Variants in CNTNAP5 observed in about 807,000 individuals in gnomAD.
CNTNAP5 encodes the protein contactin associated protein family member 5.
Under a neutral mutation model 150.2 loss-of-function variants are expected in CNTNAP5, and 72 were observed. The ratio of observed to expected loss-of-function variants is 0.48; its 90% CI spans 0.40 to 0.58. The LOEUF (loss-of-function observed/expected upper bound fraction) is 0.58, where lower values mean the gene tolerates loss of function less well. CNTNAP5 is among the 20% of genes least tolerant of loss of function. CNTNAP5 has a pLI of 0.00. For missense variants in CNTNAP5, 1,636 were observed against 1,626.2 expected (o/e 1.01, Z -0.10); for synonymous variants, 672 against 619.8 (o/e 1.08, Z -1.25).
chr2:124,086,857 T>C (rs1332706862), intron 1 of CNTNAP5, among the ~76,000 whole-genome samples: 1 of 151,692 alleles, frequency 6.6e-6, no homozygotes, highest in African/African-American at 2.4e-5. Context: ...TTGTTTTCTG[T>C]GTGCTGTTTG....
intron 11 of CNTNAP5, among the ~76,000 whole-genome samples, chr2:124,575,710 C>T (rs1041925328): frequency 6.6e-6 from 1 of 152,150 alleles, no homozygotes; most frequent in South Asian, 2.1e-4. Flanking sequence ...AGGTTGAGCT[C>T]CTTGAGGTCA....
intron 13 of CNTNAP5, among the ~76,000 whole-genome samples, chr2:124,716,798 G>A (rs1005577649): frequency 6.6e-6 from 1 of 152,108 alleles, no homozygotes; most frequent in African/African-American, 2.4e-5. Flanking sequence ...TACCTGCTTA[G>A]GATGAGAGAA....
At chr2:124,389,150 T>G (rs1691043184) in intron 3 of CNTNAP5, among the ~76,000 whole-genome samples, 1 of 152,128 alleles carries the variant, frequency 6.6e-6, no homozygotes, top group African/African-American at 2.4e-5. Flanking sequence ...AACAGAAACC[T>G]TTTCTGTCCT....
chr2:124,548,673 A>C (rs551120946), intron 10 of CNTNAP5, among the ~76,000 whole-genome samples: 1 of 152,306 alleles, frequency 6.6e-6, no homozygotes, highest in East Asian at 1.9e-4. Flanking sequence ...CAGGAAAGAA[A>C]AAAACACAGT....
chr2:124,709,108 A>C (rs1204728350), intron 13 of CNTNAP5, among the ~76,000 whole-genome samples: 1 of 152,048 alleles, frequency 6.6e-6, no homozygotes, highest in African/African-American at 2.4e-5. Context: ...CGGGCCCATA[A>C]AAGTAGCAAG....
intron 1 of CNTNAP5, among the ~76,000 whole-genome samples, chr2:124,209,350 G>T (rs530884326): frequency 4.6e-5 from 7 of 152,258 alleles, no homozygotes; most frequent in Non-Finnish European, 8.8e-5. Flanking sequence ...TCTGTCAAAT[G>T]GTCACCATCT....
At chr2:124,072,561 G>A (rs973614299) in intron 1 of CNTNAP5, among the ~76,000 whole-genome samples, 1 of 151,656 alleles carries the variant, frequency 6.6e-6, no homozygotes, top group African/African-American at 2.4e-5. Flanking sequence ...ACAAAAATCA[G>A]TAGCATTTCT....
chr2:124,123,648 C>T (rs909675835), intron 1 of CNTNAP5, among the ~76,000 whole-genome samples: 1 of 152,196 alleles, frequency 6.6e-6, no homozygotes, highest in African/African-American at 2.4e-5. Context: ...CTGGGAGACA[C>T]CTCCCAGTAG....
At chr2:124,861,311 G>T (rs1175232165) in intron 19 of CNTNAP5, among the ~76,000 whole-genome samples, 1 of 152,044 alleles carries the variant, frequency 6.6e-6, no homozygotes, top group African/African-American at 2.4e-5. Context: ...GGTGGCTCAT[G>T]TCTGTAGTCT....
intron 3 of CNTNAP5, among the ~76,000 whole-genome samples, chr2:124,403,649 A>T (rs1187941058): frequency 6.6e-6 from 1 of 152,188 alleles, no homozygotes; most frequent in East Asian, 1.9e-4. Flanking sequence ...GCAGTTTAAA[A>T]CGAGATACAA....
chr2:124,537,867 C>A (rs1334090299), intron 10 of CNTNAP5, among the ~76,000 whole-genome samples: 1 of 152,280 alleles, frequency 6.6e-6, no homozygotes, highest in South Asian at 2.1e-4. Flanking sequence ...TCCACCTGTG[C>A]ATATGGACGG....
intron 1 of CNTNAP5, among the ~76,000 whole-genome samples, chr2:124,026,887 T>G (rs574721081): frequency 6.6e-6 from 1 of 152,222 alleles, no homozygotes; most frequent in African/African-American, 2.4e-5. Context: ...TAGAGGACCC[T>G]GTGCATTTAT....
At chr2:124,274,233 A>G (rs1687829398) in intron 3 of CNTNAP5, among the ~76,000 whole-genome samples, 2 of 152,180 alleles carry the variant, frequency 1.3e-5, no homozygotes, top group Admixed American at 1.3e-4. Context: ...TCAGGTGCTG[A>G]ATAGCCACAT....
chr2:124,061,050 G>A (rs565501399), intron 1 of CNTNAP5, among the ~76,000 whole-genome samples: 8 of 151,802 alleles, frequency 5.3e-5, no homozygotes, highest in African/African-American at 1.7e-4. Context: ...TTCCCCTTCC[G>A]TTTTTTTTCT....
At chr2:124,307,115 G>C (rs1688712706) in intron 3 of CNTNAP5, among the ~76,000 whole-genome samples, 1 of 152,120 alleles carries the variant, frequency 6.6e-6, no homozygotes, top group African/African-American at 2.4e-5. Context: ...TGGATGGCTT[G>C]AATAACAAAC....
chr2:124,854,399 G>A (rs1677301587), intron 19 of CNTNAP5, among the ~76,000 whole-genome samples: 1 of 152,094 alleles, frequency 6.6e-6, no homozygotes. Flanking sequence ...TTATACCTCT[G>A]TAAAATTCCA....
rs1235019529 is a variant in CNTNAP5, at chr2:124,122,783, C to T, written c.82+97051C>T. Among the ~76,000 whole-genome samples, 1,157 of 151,394 alleles carry T rather than the reference C, an allele frequency of 7.6e-3. 10 individuals carry two copies. The highest frequency in any genetic ancestry group is 0.026 in the African/African-American group (1,079 of 41,406). Reference sequence around the variant, plus strand: ...AGACACACACACACACACACACACACACACACACACCCACACCTTTTCCCA... The same window carrying T: ...AGACACACACACACACACACACACATACACACACACCCACACCTTTTCCCA... On this transcript the variant is annotated intron_variant, in intron 1 of 23. Transcript: ENST00000682447.
At chr2:124,791,845 G>A (rs72980451) in intron 18 of CNTNAP5, among the ~76,000 whole-genome samples, 13,536 of 151,980 alleles carry the variant, frequency 0.089, 1,123 homozygotes, top group African/African-American at 0.22. Flanking sequence ...ATAGGCAAGT[G>A]TGTGCCTAGC....
intron 18 of CNTNAP5, among the ~76,000 whole-genome samples, chr2:124,796,651 G>A (rs1416139318): frequency 1.3e-5 from 2 of 152,130 alleles, no homozygotes; most frequent in Non-Finnish European, 2.9e-5. Context: ...ATTTTCACAA[G>A]GTGGAACACA....
Sources: allele counts gnomAD v4.1 joint callset (sites outside exome capture counted in the v4.1 genomes callset), GRCh38; gene constraint gnomAD v4.1.1; transcripts MANE v1.5; gene names NCBI Gene and HGNC (gene_info 2026-07-23, HGNC 2026-07-21).